The following GABRR2 variants were observed in gnomAD, a reference collection of about 807,000 sequenced individuals.
The protein encoded by GABRR2 is gamma-aminobutyric acid type A receptor subunit rho2.
A neutral mutation model predicts 47.0 loss-of-function variants in GABRR2; 36 were observed. That is an observed-to-expected ratio of 0.77 (90% CI 0.59 to 1.01). The LOEUF (loss-of-function observed/expected upper bound fraction) is 1.01. GABRR2 is among the 50% of genes least tolerant of loss of function. GABRR2 has a pLI of 0.00. For missense variants in GABRR2, 587 were observed against 594.6 expected, an observed-to-expected ratio of 0.99 and a Z score of 0.13; for synonymous variants, 204 against 227.5, an observed-to-expected ratio of 0.90 and a Z score of 0.93.
chr6:89,307,383 A>G lies in GABRR2; in HGVS notation c.114-7518T>C, dbSNP rs1009662468. ...GCTTTGTGTTATGTTGGCTAGACCT[A>G]TGATTCTCAAACTTAGCTACAGATT... On this transcript the variant is annotated intron_variant, in intron 1 of 8. Transcript: ENST00000402938. 6.6e-5 allele frequency among the ~76,000 whole-genome samples: 10 copies of G among 152,324 alleles called. 1 individual carries two copies. In the South Asian group the frequency reaches 8.3e-4, roughly 13 times the overall value.
chr6:89,278,279 C>T (rs1184445892), intron 2 of GABRR2, among the ~76,000 whole-genome samples: 1 of 152,086 alleles, frequency 6.6e-6, no homozygotes, highest in Non-Finnish European at 1.5e-5. Flanking sequence ...CCAAAAGGTA[C>T]CTGACTGGAA....
Position 89,254,975 on chromosome 6 carries a change from G to C in GABRR2, c.*2695C>G, listed in dbSNP as rs898599002. The stretch of plus-strand genomic sequence containing the variant: ...AAAATAAATATTTGTTTTAATTTGT[G>C]AACAGGCAACTATGTTATATGAGCC... On this transcript the variant is annotated 3_prime_UTR_variant, in exon 9 of 9. Transcript: ENST00000402938. Among the ~76,000 whole-genome samples, 1 of 152,070 alleles carries C rather than the reference G, an allele frequency of 6.6e-6. No individual in the cohort carries two copies. Among genetic ancestry groups the C allele is most frequent in the African/African-American group, 2.4e-5 (1 of 41,380 alleles).
intron 1 of GABRR2, among the ~76,000 whole-genome samples, chr6:89,308,928 G>A (rs191821246): frequency 1.7e-4 from 26 of 152,302 alleles, no homozygotes; most frequent in East Asian, 7.7e-4. Context: ...CAACCTAGTC[G>A]GGGAGGTGGA....
In GABRR2 at chr6:89,289,295, T is replaced by C. The variant is rs143317509; in HGVS notation, c.220+10464A>G. ...GAGAGGTATCGAGATCCAGCTGCAT[T>C]GCATCCTGTAGAACAAGGGAAGCCT... On this transcript the variant is annotated intron_variant, in intron 2 of 8. Coordinates refer to ENST00000402938, the MANE Select transcript of GABRR2 (RefSeq NM_002043.5). Among the ~76,000 whole-genome samples, 119 of 152,260 alleles carry C rather than the reference T, an allele frequency of 7.8e-4. 1 individual carries two copies. The Middle Eastern group carries it at 0.014, about 17-fold the overall frequency.
At chr6:89,305,429 C>A (rs555692314) in intron 1 of GABRR2, among the ~76,000 whole-genome samples, 4 of 152,116 alleles carry the variant, frequency 2.6e-5, no homozygotes, top group African/African-American at 9.7e-5. Context: ...CCTGTAATCC[C>A]AGCACTTGGG....
At chr6:89,271,802 C>CG (rs1774059854) in intron 2 of GABRR2, 80 bp from the exon 3 acceptor site, 3 of 1,224,114 alleles carry the variant, frequency 2.5e-6, no homozygotes, top group African/African-American at 1.5e-5. Flanking sequence ...TGGCTTCCCC[C>CG]GGGGAGCCAG....
At chr6:89,262,923 T>C (rs1360942469) in intron 8 of GABRR2, among the ~76,000 whole-genome samples, 4 of 152,232 alleles carry the variant, frequency 2.6e-5, no homozygotes, top group African/African-American at 9.6e-5. Flanking sequence ...ATCATTACTT[T>C]TGCACAGACC....
Position 89,309,774 on chromosome 6 carries a change from C to CTTA in GABRR2, c.113+5278_113+5279insTAA, listed in dbSNP as rs1266871528. Among the ~76,000 whole-genome samples, 422 of 151,262 alleles carry CTTA rather than the reference C, an allele frequency of 2.8e-3. 1 individual carries two copies. The highest frequency in any genetic ancestry group is 9.6e-3 in the African/African-American group (396 of 41,202). On this transcript the variant is annotated intron_variant, in intron 1 of 8. Coordinates refer to ENST00000402938, the MANE Select transcript of GABRR2 (RefSeq NM_002043.5). ...AGCATTAGCACCCATGCTTCTTCTT[C>CTTA]TTCTTATTATTATTATTTTTAGAGA...
chr6:89,277,051 C>A (rs1029464389), intron 2 of GABRR2, among the ~76,000 whole-genome samples: 1 of 152,220 alleles, frequency 6.6e-6, no homozygotes, highest in Non-Finnish European at 1.5e-5. Context: ...ATTAGGCTTT[C>A]TGTCCCCACC....
At position 89,257,993 on chromosome 6, in the gene GABRR2, A is replaced by C; in HGVS notation, c.1087-12T>G. On this transcript the variant is annotated splice_polypyrimidine_tract_variant and intron_variant, in intron 8 of 8. Coordinates refer to ENST00000402938, the MANE Select transcript of GABRR2 (RefSeq NM_002043.5). ...CACATGCACGGGAACTATGGGCAGC[A>C]AGCACAAAGAACATCATTAAGCCTT... The C allele has an allele frequency of 6.2e-7, 1 of 1,608,660 alleles. No individual in the cohort carries two copies. Among genetic ancestry groups the C allele is most frequent in the Non-Finnish European group, 8.5e-7 (1 of 1,177,244 alleles).
intron 2 of GABRR2, among the ~76,000 whole-genome samples, chr6:89,288,690 G>T (rs1284754342): frequency 6.6e-6 from 1 of 152,160 alleles, no homozygotes. Flanking sequence ...TTACTCTGTT[G>T]CCCAGGCTGG....
intron 1 of GABRR2, 140 bp from the exon 2 acceptor site, chr6:89,300,005 G>GTCCTTCAGCCCTCCTT: frequency 1.6e-6 from 1 of 618,808 alleles, no homozygotes; most frequent in Non-Finnish European, 2.9e-6. Flanking sequence ...GAGAAGGAGG[G>GTCCTTCAGCCCTCCTT]CTGAAGGACC....
chr6:89,308,035 G>A (rs1269083542), intron 1 of GABRR2, among the ~76,000 whole-genome samples: 3 of 152,014 alleles, frequency 2.0e-5, no homozygotes, highest in Non-Finnish European at 4.4e-5. Flanking sequence ...GGCTGGTCTC[G>A]AACTCCTGCC....
rs1773609749 is a variant in GABRR2, at chr6:89,256,876, C to T, written c.*794G>A. 6.6e-6 allele frequency among the ~76,000 whole-genome samples: 1 copy of T among 152,178 alleles called. No individual in the cohort carries two copies. Among genetic ancestry groups the T allele is most frequent in the Non-Finnish European group, 1.5e-5 (1 of 68,040 alleles). ...AGGAGGATAGTTGAAAGTTCTGGAC[C>T]TGGCCTCTCCTGGACCCTGCCTTAT... On this transcript the variant is annotated 3_prime_UTR_variant, in exon 9 of 9. Coordinates refer to ENST00000402938, the MANE Select transcript of GABRR2 (RefSeq NM_002043.5).
In GABRR2 at chr6:89,271,733, G is replaced by C. The variant is rs748706268; in HGVS notation, c.221-11C>G. 4 of 1,609,650 alleles carry C rather than the reference G, an allele frequency of 2.5e-6. No individual in the cohort carries two copies. Among genetic ancestry groups the C allele is most frequent in the Non-Finnish European group, 1.7e-6 (2 of 1,177,874 alleles). Reference sequence around the variant, plus strand: ...CCGGGATGGCAGGGCCTGCAGAAGAGCAGAGACAGCTGGTTAAGGCACCTT... The same window carrying C: ...CCGGGATGGCAGGGCCTGCAGAAGACCAGAGACAGCTGGTTAAGGCACCTT... On this transcript the variant is annotated splice_polypyrimidine_tract_variant and intron_variant, in intron 2 of 8. Coordinates refer to ENST00000402938, the MANE Select transcript of GABRR2 (RefSeq NM_002043.5).
chr6:89,263,679 T>C (rs1286570733), intron 8 of GABRR2, among the ~76,000 whole-genome samples: 1 of 152,126 alleles, frequency 6.6e-6, no homozygotes, highest in Non-Finnish European at 1.5e-5. Flanking sequence ...TGCACCACCA[T>C]GCTCGGCTAA....
At chr6:89,295,900 C>G (rs1406268410) in intron 2 of GABRR2, among the ~76,000 whole-genome samples, 1 of 152,182 alleles carries the variant, frequency 6.6e-6, no homozygotes, top group African/African-American at 2.4e-5. Context: ...TTCCCCATTT[C>G]TTGTTTTTGT....
chr6:89,263,674 C>A (rs552803858), intron 8 of GABRR2, among the ~76,000 whole-genome samples: 1 of 152,172 alleles, frequency 6.6e-6, no homozygotes. Context: ...AGGCGTGCAC[C>A]ACCATGCTCG....
intron 1 of GABRR2, among the ~76,000 whole-genome samples, chr6:89,304,885 T>C (rs1767531763): frequency 1.3e-5 from 2 of 152,206 alleles, no homozygotes; most frequent in African/African-American, 4.8e-5. Context: ...GTGTTGTGAT[T>C]CCTCAAAAAG....
Sources: allele counts gnomAD v4.1 joint callset (sites outside exome capture counted in the v4.1 genomes callset), GRCh38; gene constraint gnomAD v4.1.1; transcripts MANE v1.5; gene names NCBI Gene and HGNC (gene_info 2026-07-23, HGNC 2026-07-21).